IGF2BP3: variants seen among roughly 807,000 people sequenced by gnomAD.
IGF2BP3 encodes insulin like growth factor 2 mRNA binding protein 3.
A neutral mutation model predicts 73.8 loss-of-function variants in IGF2BP3; 9 were observed. The observed-to-expected ratio is 0.12, with a 90% CI of 0.07 to 0.21. The LOEUF is 0.21. Among genes scored for constraint, IGF2BP3 ranks in the 10% least tolerant of loss-of-function variants. The probability of loss-of-function intolerance (pLI) is 1.00; values close to 1 mark genes in which losing one functional copy is unlikely to be tolerated. For missense variants in IGF2BP3, 542 were observed against 714.0 expected, an observed-to-expected ratio of 0.76 and a Z score of 2.75; for synonymous variants, 258 against 256.7, an observed-to-expected ratio of 1.01 and a Z score of -0.05.
chr7:23,402,858 G>T (rs921194208), intron 3 of IGF2BP3: 1 of 152,200 alleles, frequency 6.6e-6, no homozygotes, highest in African/African-American at 2.4e-5. Flanking sequence ...GAATGATTTA[G>T]AACAGTAATT....
At chr7:23,400,396 G>A (rs1390832324) in intron 3 of IGF2BP3, among the ~76,000 whole-genome samples, 1 of 152,102 alleles carries the variant, frequency 6.6e-6, no homozygotes, top group African/African-American at 2.4e-5. Flanking sequence ...AGCTGACCTT[G>A]TCCTGCTCCT....
rs1341371184 is a variant in IGF2BP3, at chr7:23,469,045, G to A, written c.176-503C>T. On this transcript the variant is annotated intron_variant, in intron 1 of 14. Transcript: ENST00000258729. The surrounding 1 kb of genome is among the most constrained non-coding windows in gnomAD (Gnocchi z 6.1). ...GGGACGGCAGGGGAGACCACGAACGGGAGAACTGGCAGAGGCGCAGCTCGG... is the reference window on the plus strand; with the variant it reads ...GGGACGGCAGGGGAGACCACGAACGAGAGAACTGGCAGAGGCGCAGCTCGG... Among the ~76,000 whole-genome samples the A allele has an allele frequency of 1.3e-5, 2 of 152,250 alleles. No individual in the cohort carries two copies. Among genetic ancestry groups the A allele is most frequent in the Non-Finnish European group, 2.9e-5 (2 of 68,044 alleles).
At position 23,421,461 on chromosome 7, in the gene IGF2BP3, G is replaced by C. The variant is rs180798060; in HGVS notation, c.237-2637C>G. ...TGATCCCGGCACTTTGGGAGGCTGA[G>C]GTGGGCGGATCACCTGAGGTCAGAA... On this transcript the variant is annotated intron_variant, in intron 2 of 14. Coordinates refer to ENST00000258729, the MANE Select transcript of IGF2BP3 (RefSeq NM_006547.3). 7.8e-3 allele frequency among the ~76,000 whole-genome samples: 1,186 copies of C among 152,032 alleles called. 10 individuals carry two copies. Among genetic ancestry groups the C allele is most frequent in the Middle Eastern group, 0.034 (10 of 294 alleles).
chr7:23,363,458 G>T (rs1398401701), intron 3 of IGF2BP3, among the ~76,000 whole-genome samples: 2 of 152,110 alleles, frequency 1.3e-5, no homozygotes, highest in African/African-American at 4.8e-5. Flanking sequence ...TGTTGCCCAG[G>T]CTGGTCTCAA....
intron 6 of IGF2BP3, among the ~76,000 whole-genome samples, chr7:23,349,814 A>G (rs549702979): frequency 5.9e-5 from 9 of 152,368 alleles, no homozygotes; most frequent in African/African-American, 2.2e-4. Flanking sequence ...CTGACAGGGA[A>G]ATGAGTAGCT....
At chr7:23,314,076 A>G (rs1783907441) in intron 12 of IGF2BP3, among the ~76,000 whole-genome samples, 1 of 151,622 alleles carries the variant, frequency 6.6e-6, no homozygotes. Flanking sequence ...CTGGAGTGCA[A>G]TGGTACAATC....
At chr7:23,356,943 A>T (rs1055797106) in intron 5 of IGF2BP3, among the ~76,000 whole-genome samples, 7 of 152,232 alleles carry the variant, frequency 4.6e-5, no homozygotes, top group African/African-American at 1.2e-4. Context: ...TGCAGAGATT[A>T]GAATCAGTAT....
At chr7:23,446,543 C>G (rs1243532030) in intron 2 of IGF2BP3, among the ~76,000 whole-genome samples, 2 of 151,880 alleles carry the variant, frequency 1.3e-5, no homozygotes, top group African/African-American at 4.8e-5. Context: ...GGCGACAGAG[C>G]AAGACTCCAT....
At position 23,379,888 on chromosome 7, in the gene IGF2BP3, C is replaced by A. The variant is rs17148083; in HGVS notation, c.286-18147G>T. Among the ~76,000 whole-genome samples the A allele has an allele frequency of 2.8e-3, 430 of 152,262 alleles. 2 individuals are homozygous for A. Among genetic ancestry groups the A allele is most frequent in the African/African-American group, 9.1e-3 (377 of 41,556 alleles). Reference sequence around the variant, plus strand: ...ATCCATGCACTGGCTATACACGGGGCAATTCCATGCATCTCTTATTGTTAA... The same window carrying A: ...ATCCATGCACTGGCTATACACGGGGAAATTCCATGCATCTCTTATTGTTAA... On this transcript the variant is annotated intron_variant, in intron 3 of 14. Transcript: ENST00000258729.
rs138658954 is a variant in IGF2BP3, at chr7:23,323,004, C to T, written c.1204-3750G>A. On this transcript the variant is annotated intron_variant, in intron 10 of 14. Coordinates refer to ENST00000258729, the MANE Select transcript of IGF2BP3 (RefSeq NM_006547.3). The stretch of plus-strand genomic sequence containing the variant: ...AAAGACCATCAAGACTAGGAAGAAA[C>T]TGCATGAACTAACGAGCAAAATAAC... Among the ~76,000 whole-genome samples, 1,326 of 152,312 alleles carry T rather than the reference C, an allele frequency of 8.7e-3. 17 individuals are homozygous for T. The highest frequency in any genetic ancestry group is 0.03 in the African/African-American group (1,258 of 41,546).
intron 4 of IGF2BP3, 42 bp downstream of exon 4, chr7:23,361,644 ACTTC>A (rs1371796643): frequency 6.2e-7 from 1 of 1,612,972 alleles, no homozygotes; most frequent in Admixed American, 1.7e-5. Flanking sequence ...TTTTCTTTCT[ACTTC>A]CTTCCTTTTA....
chr7:23,401,360 G>A (rs1306028874), intron 3 of IGF2BP3, among the ~76,000 whole-genome samples: 1 of 152,106 alleles, frequency 6.6e-6, no homozygotes, highest in Non-Finnish European at 1.5e-5. Context: ...TGAACTGCCG[G>A]GAGTCTGATA....
In IGF2BP3 at chr7:23,409,716, A is replaced by G. The variant is rs78505514; in HGVS notation, c.285+9060T>C. On this transcript the variant is annotated intron_variant, in intron 3 of 14. Coordinates refer to ENST00000258729, the MANE Select transcript of IGF2BP3 (RefSeq NM_006547.3). Reference sequence around the variant, plus strand: ...AATAAAACCACAGCCTGTGAAGCATACATTACATAAAAATTAACTCAAAAT... The same window carrying G: ...AATAAAACCACAGCCTGTGAAGCATGCATTACATAAAAATTAACTCAAAAT... Among the ~76,000 whole-genome samples the G allele has an allele frequency of 4.0e-3, 616 of 152,336 alleles. 6 individuals carry two copies. The highest frequency in any genetic ancestry group is 0.014 in the African/African-American group (579 of 41,562).
At position 23,469,404 on chromosome 7, in the gene IGF2BP3, T is replaced by A. The variant is rs11760896; in HGVS notation, c.175+532A>T. 0.01 allele frequency: 1,559 copies of A among 152,022 alleles called. 12 individuals carry two copies. The highest frequency in any genetic ancestry group is 0.02 in the Middle Eastern group (6 of 296). 9.4% of individuals were successfully genotyped at this position (152,022 alleles called of 1,614,324 possible). A position where few individuals can be genotyped will look rare whatever the true frequency, so the allele number is the denominator to read the frequency against. On this transcript the variant is annotated intron_variant, in intron 1 of 14. Coordinates refer to ENST00000258729, the MANE Select transcript of IGF2BP3 (RefSeq NM_006547.3). This position sits in a 1 kb window ranked among gnomAD's most constrained non-coding sequence, Gnocchi z 6.1. ...GCACACACTCTCTCCTCCCACAGGG[T>A]GGGGAGGAAGCGCGGGGCCGCCTGT... is the stretch of plus-strand genomic sequence containing the variant.
intron 3 of IGF2BP3, among the ~76,000 whole-genome samples, chr7:23,380,420 C>T (rs1785873258): frequency 6.6e-6 from 1 of 152,038 alleles, no homozygotes; most frequent in Non-Finnish European, 1.5e-5. Context: ...GCTTCGGCCT[C>T]CCAAAGTGCT....
intron 3 of IGF2BP3, among the ~76,000 whole-genome samples, chr7:23,391,240 C>T (rs368198205): frequency 2.0e-5 from 3 of 151,810 alleles, no homozygotes; most frequent in Non-Finnish European, 4.4e-5. Context: ...GCTGGGATTA[C>T]AGGCGTGTGC....
In IGF2BP3 at chr7:23,312,107, C is replaced by T. The variant is rs1783846656; in HGVS notation, c.*255G>A. The T allele has an allele frequency of 2.1e-6, 1 of 468,232 alleles. No homozygotes were observed. The highest frequency in any genetic ancestry group is 3.8e-5 in the Admixed American group (1 of 26,142). 29.0% of individuals were successfully genotyped at this position (468,232 alleles called of 1,614,324 possible). Reference sequence around the variant, plus strand: ...ACAAAGGGAAGTGCAGAGCTCTTCTCTTTCCCTCCCTCCCCCACCCTTTTT... The same window carrying T: ...ACAAAGGGAAGTGCAGAGCTCTTCTTTTTCCCTCCCTCCCCCACCCTTTTT... On this transcript the variant is annotated 3_prime_UTR_variant, in exon 15 of 15. Transcript: ENST00000258729.
intron 6 of IGF2BP3, 38 bp from the exon 7 acceptor site, chr7:23,347,772 G>GTT: frequency 6.2e-7 from 1 of 1,613,250 alleles, no homozygotes; most frequent in Non-Finnish European, 8.5e-7. Context: ...AACGAGAGCA[G>GTT]TAAGCGTGTA....
chr7:23,313,496 T>C (rs372063041), intron 13 of IGF2BP3, 26 bp downstream of exon 13: 1 of 1,612,066 alleles, frequency 6.2e-7, no homozygotes, highest in Non-Finnish European at 8.5e-7. Flanking sequence ...TTCATACCAC[T>C]GCACAGGTTT....
Sources: gnomAD v4.1 joint callset for allele counts (sites outside exome capture counted in the v4.1 genomes callset) on GRCh38, gnomAD v4.1.1 for gene constraint, Gnocchi (gnomAD v3.1) non-coding constraint, MANE v1.5 for transcripts, NCBI Gene and HGNC (gene_info 2026-07-23, HGNC 2026-07-21) for gene names.